The following DCC variants were observed in gnomAD, a reference collection of about 807,000 sequenced individuals.
DCC encodes DCC netrin 1 receptor, also known as netrin receptor DCC.
A neutral mutation model predicts 172.5 loss-of-function variants in DCC; 58 were observed. The ratio of observed to expected loss-of-function variants is 0.34; its 90% CI spans 0.27 to 0.42. The LOEUF (loss-of-function observed/expected upper bound fraction) is 0.42. DCC is among the 10% of genes least tolerant of loss of function. The pLI, the probability that DCC is intolerant of heterozygous loss-of-function variation, is 1.00. For missense variants in DCC, 1,740 were observed against 1,791.0 expected (o/e 0.97, Z 0.51); for synonymous variants, 709 against 644.5 (o/e 1.10, Z -1.52).
chr18:53,178,913 G>C (rs745973753), intron 8 of DCC, 49 bp from the exon 9 acceptor site: 1 of 1,608,812 alleles, frequency 6.2e-7, no homozygotes, highest in Non-Finnish European at 8.5e-7. Flanking sequence ...GATTTTGGCT[G>C]AAGGTATTCT....
intron 3 of DCC, among the ~76,000 whole-genome samples, chr18:52,915,569 T>A (rs1456463707): frequency 6.6e-6 from 1 of 152,162 alleles, no homozygotes; most frequent in East Asian, 1.9e-4. Flanking sequence ...TGGGGCCTGA[T>A]GATAGTTGAC....
intron 22 of DCC, among the ~76,000 whole-genome samples, chr18:53,440,305 T>C (rs1207209305): frequency 6.6e-6 from 1 of 152,228 alleles, no homozygotes; most frequent in East Asian, 1.9e-4. Context: ...TTAAAAGATC[T>C]ATAAACCTCA....
chr18:52,960,895 T>G (rs904831869), intron 5 of DCC, among the ~76,000 whole-genome samples: 2 of 152,156 alleles, frequency 1.3e-5, no homozygotes, highest in African/African-American at 2.4e-5. Flanking sequence ...TATTTTATAT[T>G]TATATTTTTG....
rs571698530 is a variant in DCC at position 52,695,729 on chromosome 18, T to C, written c.92-56325T>C. Among the ~76,000 whole-genome samples the C allele has an allele frequency of 2.6e-5, 4 of 152,302 alleles. No homozygotes were observed. In the South Asian group the frequency reaches 8.3e-4, roughly 32 times the overall value. On this transcript the variant is annotated intron_variant, in intron 1 of 28. Coordinates refer to ENST00000442544, the MANE Select transcript of DCC (RefSeq NM_005215.4). ...TGAACGTGGGTAGATTTGTGTTAAA[T>C]GGATTTTCAAGAAAGGTTCTTCTCC...
intron 1 of DCC, among the ~76,000 whole-genome samples, chr18:52,466,121 C>T (rs1393040990): frequency 6.6e-6 from 1 of 152,074 alleles, no homozygotes; most frequent in African/African-American, 2.4e-5. Context: ...TAAAAAATAG[C>T]GTTTGAGAAG....
At chr18:52,386,219 T>G (rs2144336060) in intron 1 of DCC, among the ~76,000 whole-genome samples, 1 of 152,200 alleles carries the variant, frequency 6.6e-6, no homozygotes, top group East Asian at 1.9e-4. Context: ...GAACCGCTAT[T>G]TCAGAACATT....
chr18:53,088,163 C>G (rs1215694197), intron 7 of DCC, among the ~76,000 whole-genome samples: 14 of 152,080 alleles, frequency 9.2e-5, no homozygotes, highest in African/African-American at 2.7e-4. Context: ...GCTTGATGGG[C>G]ATGGCATTGA....
In DCC at chr18:53,122,613, T is replaced by C. The variant is rs189307224; in HGVS notation, c.1262-34743T>C. On this transcript the variant is annotated intron_variant, in intron 7 of 28. Coordinates refer to ENST00000442544, the MANE Select transcript of DCC (RefSeq NM_005215.4). The stretch of plus-strand genomic sequence containing the variant: ...AGTAAACTTGATTGACCATATTAGC[T>C]TTGCTCCACCATTAGGCCATTATAC... 7.9e-5 allele frequency among the ~76,000 whole-genome samples: 12 copies of C among 152,188 alleles called. No homozygotes were observed. In the East Asian group the frequency reaches 2.3e-3, roughly 30 times the overall value.
intron 19 of DCC, among the ~76,000 whole-genome samples, chr18:53,404,669 T>G (rs1909542746): frequency 6.6e-6 from 1 of 151,880 alleles, no homozygotes; most frequent in African/African-American, 2.4e-5. Context: ...AGGCGGAGCT[T>G]GCAGTGAGCC....
At chr18:52,746,738 T>C (rs2036910514) in intron 1 of DCC, among the ~76,000 whole-genome samples, 1 of 151,438 alleles carries the variant, frequency 6.6e-6, no homozygotes, top group Admixed American at 6.6e-5. Context: ...AAACTTGAAA[T>C]GTCTTTGGCA....
intron 1 of DCC, among the ~76,000 whole-genome samples, chr18:52,412,593 T>C (rs865899916): frequency 6.6e-5 from 10 of 152,122 alleles, no homozygotes; most frequent in Middle Eastern, 3.2e-3. Context: ...ATAACTGTGA[T>C]CAGTATTAAG....
chr18:52,344,301 C>T (rs1476734129), intron 1 of DCC, among the ~76,000 whole-genome samples: 1 of 152,086 alleles, frequency 6.6e-6, no homozygotes, highest in African/African-American at 2.4e-5. Flanking sequence ...AGTATGGTTT[C>T]CTAAACCAAT....
At chr18:53,428,736 T>C (rs1313380225) in intron 21 of DCC, among the ~76,000 whole-genome samples, 2 of 67,676 alleles carry the variant, frequency 3.0e-5, no homozygotes, top group East Asian at 8.1e-4. Flanking sequence ...TATTATATTA[T>C]ATACTATATA....
intron 13 of DCC, among the ~76,000 whole-genome samples, chr18:53,314,768 G>A (rs940514147): frequency 6.6e-6 from 1 of 152,104 alleles, no homozygotes; most frequent in Non-Finnish European, 1.5e-5. Context: ...CATTTGGCAG[G>A]ATTTTCAGAG....
chr18:52,792,570 G>A (rs2145208177), intron 2 of DCC, among the ~76,000 whole-genome samples: 1 of 152,212 alleles, frequency 6.6e-6, no homozygotes, highest in South Asian at 2.1e-4. Flanking sequence ...TTCAAACATG[G>A]CCCATATGCC....
intron 19 of DCC, among the ~76,000 whole-genome samples, chr18:53,409,544 T>C (rs960753573): frequency 6.6e-6 from 1 of 152,140 alleles, no homozygotes; most frequent in East Asian, 1.9e-4. Flanking sequence ...TATCTGGCAA[T>C]ATAATATAAA....
chr18:53,256,994 C>T (rs1384983230), intron 12 of DCC, among the ~76,000 whole-genome samples: 1 of 152,128 alleles, frequency 6.6e-6, no homozygotes, highest in African/African-American at 2.4e-5. Flanking sequence ...GGAATTCACT[C>T]ATGATTTGGC....
chr18:53,439,739 G>T (rs988575476), intron 22 of DCC, among the ~76,000 whole-genome samples: 2 of 151,340 alleles, frequency 1.3e-5, no homozygotes, highest in African/African-American at 4.8e-5. Context: ...TAGAATCAAA[G>T]CTAATATGTG....
intron 7 of DCC, among the ~76,000 whole-genome samples, chr18:53,136,126 A>C (rs887580469): frequency 1.3e-5 from 2 of 152,036 alleles, no homozygotes; most frequent in Non-Finnish European, 2.9e-5. Context: ...GTTGTAAAAA[A>C]AAAATTGGAT....
Sources: allele counts gnomAD v4.1 joint callset (sites outside exome capture counted in the v4.1 genomes callset), GRCh38; gene constraint gnomAD v4.1.1; transcripts MANE v1.5; gene names NCBI Gene and HGNC (gene_info 2026-07-23, HGNC 2026-07-21).